CARMIL1: variants seen among roughly 807,000 people sequenced by gnomAD.
The protein encoded by CARMIL1 is F-actin-uncapping protein LRRC16A.
Under a neutral mutation model 177.1 loss-of-function variants are expected in CARMIL1, and 90 were observed. That is an observed-to-expected ratio of 0.51 (90% confidence interval 0.43 to 0.61). CARMIL1 has a LOEUF of 0.61. CARMIL1 is among the 20% of genes least tolerant of loss of function. The pLI is 0.00. For synonymous variants in CARMIL1, 577 were observed against 606.2 expected (o/e 0.95, Z 0.71); for missense variants, 1,380 against 1,667.0 (o/e 0.83, Z 3.00).
Position 25,337,813 on chromosome 6 carries a change from T to G in CARMIL1, c.138+52904T>G, listed in dbSNP as rs551292864. On this transcript the variant is annotated intron_variant, in intron 2 of 36. Coordinates refer to ENST00000329474, the MANE Select transcript of CARMIL1 (RefSeq NM_017640.6). ...GAGTGGACGTGATATAGTGAGGAGT[T>G]TTTGTAAATTCTTCATTTAGCGACT... 3.9e-4 allele frequency among the ~76,000 whole-genome samples: 59 copies of G among 152,314 alleles called. No homozygotes were observed. In the South Asian group the frequency reaches 6.2e-3, roughly 16 times the overall value.
rs555661302 is a variant in CARMIL1 at position 25,435,414 on chromosome 6, A to T, written c.250-69A>T. ...TATCTGTGTGACTATGTAGTTTACA[A>T]TATTTAAAATAATTAAAAACGGAAG... is the stretch of plus-strand genomic sequence containing the variant. On this transcript the variant is annotated intron_variant, in intron 4 of 36. Transcript: ENST00000329474. The T allele has an allele frequency of 4.0e-5, 60 of 1,491,402 alleles. 1 individual carries two copies. In the South Asian group the frequency reaches 4.7e-4, roughly 12 times the overall value. 92.4% of individuals were successfully genotyped at this position (1,491,402 alleles called of 1,614,324 possible).
chr6:25,547,198 A>G (rs1191683924), intron 26 of CARMIL1, among the ~76,000 whole-genome samples: 1 of 152,224 alleles, frequency 6.6e-6, no homozygotes, highest in Admixed American at 6.5e-5. Context: ...AATATGTGTC[A>G]TATTTGTGGG....
chr6:25,285,059 T>C, intron 2 of CARMIL1, 150 bp downstream of exon 2: 1 of 572,328 alleles, frequency 1.7e-6, no homozygotes, highest in Middle Eastern at 4.1e-4. Flanking sequence ...TTAATTGGAA[T>C]ATTTCTTTGT....
At chr6:25,376,494 C>T (rs558268038) in intron 2 of CARMIL1, among the ~76,000 whole-genome samples, 94 of 152,040 alleles carry the variant, frequency 6.2e-4, no homozygotes, top group Admixed American at 1.4e-3. Flanking sequence ...GTGACTTTAT[C>T]GTTTATTGTA....
chr6:25,349,725 ATTTTTTT>A (rs67971403), intron 2 of CARMIL1, among the ~76,000 whole-genome samples: 9 of 93,518 alleles, frequency 9.6e-5, no homozygotes, highest in African/African-American at 1.2e-4. Flanking sequence ...CAGTCCCCTC[ATTTTTTT>A]TTTTTTTTTT....
chr6:25,446,827 C>T (rs1798281421), intron 5 of CARMIL1, among the ~76,000 whole-genome samples: 1 of 152,124 alleles, frequency 6.6e-6, no homozygotes, highest in Admixed American at 6.5e-5. Flanking sequence ...GAGGCCATTG[C>T]AGGGTTATTA....
intron 36 of CARMIL1, among the ~76,000 whole-genome samples, chr6:25,612,031 G>T (rs757114871): frequency 1.3e-5 from 2 of 152,146 alleles, no homozygotes; most frequent in Non-Finnish European, 2.9e-5. Context: ...AATGGCTCAC[G>T]CTCCCTTCTT....
intron 13 of CARMIL1, among the ~76,000 whole-genome samples, chr6:25,490,719 A>G: frequency 9.3e-6 from 1 of 107,518 alleles, no homozygotes; most frequent in African/African-American, 4.3e-5. Context: ...ATAAATAAAT[A>G]AATAAATAAA....
intron 23 of CARMIL1, among the ~76,000 whole-genome samples, chr6:25,524,188 G>C (rs1383224383): frequency 6.6e-6 from 1 of 152,052 alleles, no homozygotes; most frequent in Non-Finnish European, 1.5e-5. Flanking sequence ...CTCACATAAG[G>C]GATAGGGTTG....
At position 25,411,327 on chromosome 6, in the gene CARMIL1, C is replaced by T. The variant is rs117674690; in HGVS notation, c.139-8787C>T. On this transcript the variant is annotated intron_variant, in intron 2 of 36. Coordinates refer to ENST00000329474, the MANE Select transcript of CARMIL1 (RefSeq NM_017640.6). ...TGGAGCTGGATACTTCACTCATCTT[C>T]ACCCTTGGCCTCATGCTAAGAATTA... 6.0e-3 allele frequency among the ~76,000 whole-genome samples: 909 copies of T among 152,302 alleles called. 26 individuals carry two copies. In the East Asian group the frequency reaches 0.071, roughly 12 times the overall value.
At chr6:25,529,163 T>A (rs1188586448) in intron 24 of CARMIL1, among the ~76,000 whole-genome samples, 1 of 152,222 alleles carries the variant, frequency 6.6e-6, no homozygotes, top group Admixed American at 6.5e-5. Context: ...TTATAATAGA[T>A]AATAAAATCT....
At chr6:25,344,250 T>C (rs1461420885) in intron 2 of CARMIL1, among the ~76,000 whole-genome samples, 1 of 152,098 alleles carries the variant, frequency 6.6e-6, no homozygotes, top group Non-Finnish European at 1.5e-5. Flanking sequence ...AGTCCATTGA[T>C]CCACCAGGTT....
chr6:25,614,234 G>A (rs958325806), intron 36 of CARMIL1, among the ~76,000 whole-genome samples: 10 of 152,168 alleles, frequency 6.6e-5, no homozygotes, highest in Admixed American at 2.0e-4. Context: ...GGGTTCCGGC[G>A]TATACTAGCT....
chr6:25,322,511 C>T (rs1342771770), intron 2 of CARMIL1, among the ~76,000 whole-genome samples: 5 of 152,106 alleles, frequency 3.3e-5, no homozygotes, highest in African/African-American at 9.7e-5. Flanking sequence ...CACATACATA[C>T]ACACACACAA....
chr6:25,578,099 G>A (rs1812766868), intron 29 of CARMIL1, among the ~76,000 whole-genome samples: 2 of 152,070 alleles, frequency 1.3e-5, no homozygotes, highest in South Asian at 4.2e-4. Flanking sequence ...ATTGATGAGA[G>A]GTCCATTTGC....
intron 2 of CARMIL1, among the ~76,000 whole-genome samples, chr6:25,323,691 CTT>C (rs1784857742): frequency 6.6e-6 from 1 of 152,162 alleles, no homozygotes; most frequent in African/African-American, 2.4e-5. Context: ...TTCCTGGTTA[CTT>C]TATCCAGTAA....
chr6:25,405,653 C>G (rs1309252483), intron 2 of CARMIL1, among the ~76,000 whole-genome samples: 1 of 152,214 alleles, frequency 6.6e-6, no homozygotes, highest in Non-Finnish European at 1.5e-5. Flanking sequence ...GCAGGGGTGT[C>G]AGCACTTGAC....
At chr6:25,609,829 T>C (rs1816352457) in intron 35 of CARMIL1, among the ~76,000 whole-genome samples, 1 of 152,240 alleles carries the variant, frequency 6.6e-6, no homozygotes, top group Non-Finnish European at 1.5e-5. Flanking sequence ...TAGATTCATA[T>C]TTGTGCAGAT....
chr6:25,549,065 C>T (rs1239021444), intron 26 of CARMIL1, among the ~76,000 whole-genome samples: 1 of 152,110 alleles, frequency 6.6e-6, no homozygotes, highest in African/African-American at 2.4e-5. Flanking sequence ...GGCTAAAATT[C>T]GTTTTTATAG....
Sources: allele counts gnomAD v4.1 joint callset (sites outside exome capture counted in the v4.1 genomes callset), GRCh38; gene constraint gnomAD v4.1.1; transcripts MANE v1.5; gene names NCBI Gene and HGNC (gene_info 2026-07-23, HGNC 2026-07-21).